SERAC1: variants seen among roughly 807,000 people sequenced by gnomAD.
The protein encoded by SERAC1 is serine active site containing 1.
A neutral mutation model predicts 85.7 loss-of-function variants in SERAC1; 36 were observed. That is an observed-to-expected ratio of 0.42 (90% CI 0.32 to 0.55). SERAC1 has a LOEUF of 0.55. Ranked by LOEUF, SERAC1 falls within the 20% of genes least tolerant of loss-of-function variation. SERAC1 has a pLI of 0.11. For synonymous variants in SERAC1, 242 were observed against 265.3 expected, an observed-to-expected ratio of 0.91 and a Z score of 0.85; for missense variants, 629 against 796.2, an observed-to-expected ratio of 0.79 and a Z score of 2.53.
intron 16 of SERAC1, chr6:158,113,081 A>G (rs575383028): frequency 3.7e-6 from 1 of 273,414 alleles, no homozygotes; most frequent in Admixed American, 5.2e-5. Context: ...ACACTTTTAG[A>G]TGATTTTCTT....
chr6:158,137,841 C>T (rs761493468), intron 8 of SERAC1, among the ~76,000 whole-genome samples: 1 of 151,742 alleles, frequency 6.6e-6, no homozygotes, highest in East Asian at 1.9e-4. Flanking sequence ...ACCATGCCAC[C>T]GTACTCCAAC....
At chr6:158,128,896 G>C (rs955871921) in intron 9 of SERAC1, among the ~76,000 whole-genome samples, 6 of 152,188 alleles carry the variant, frequency 3.9e-5, no homozygotes, top group African/African-American at 1.4e-4. Context: ...ATTGAGTTAA[G>C]GGAAGAGAAC....
chr6:158,114,782 G>A lies in SERAC1; in HGVS notation c.1684+7C>T, dbSNP rs765831183. 1.9e-6 allele frequency: 3 copies of A among 1,608,384 alleles called. No individual in the cohort carries two copies. The Admixed American group carries it at 5.0e-5, about 27-fold the overall frequency. ...ACCCCAATTTCCTTTATGACAAAAA[G>A]TATTACCCTTGCTGAGTTCTTTGAC... On this transcript the variant is annotated splice_region_variant and intron_variant, in intron 15 of 16. Coordinates refer to ENST00000647468, the MANE Select transcript of SERAC1 (RefSeq NM_032861.4).
In SERAC1 at chr6:158,136,897, T is replaced by C. The variant is rs550267918; in HGVS notation, c.738+6159A>G. Among the ~76,000 whole-genome samples, 8 of 152,308 alleles carry C rather than the reference T, an allele frequency of 5.3e-5. No homozygotes were observed. The South Asian group carries it at 1.7e-3, about 32-fold the overall frequency. ...AAAGGCAGCCAGGTGCAGTGGCTCA[T>C]GCCTGTAATCCCAGCACTTTGGGAG... On this transcript the variant is annotated intron_variant, in intron 8 of 16. Transcript: ENST00000647468.
At chr6:158,167,858 T>G (rs1057030614) in intron 1 of SERAC1, among the ~76,000 whole-genome samples, 1 of 151,992 alleles carries the variant, frequency 6.6e-6, no homozygotes, top group African/African-American at 2.4e-5. Flanking sequence ...CATCTCTCCG[T>G]GACTACCGAG....
At chr6:158,143,614 C>T (rs971594547) in intron 7 of SERAC1, among the ~76,000 whole-genome samples, 1 of 151,978 alleles carries the variant, frequency 6.6e-6, no homozygotes, top group Non-Finnish European at 1.5e-5. Context: ...TTATTGCACC[C>T]TTACTAATTA....
intron 16 of SERAC1, 63 bp downstream of exon 16, chr6:158,113,386 T>TACAAGTAAATGCTAGGTATAATTAA: frequency 2.1e-6 from 3 of 1,414,310 alleles, no homozygotes; most frequent in Non-Finnish European, 2.9e-6. Flanking sequence ...AATTGCTGTT[T>TACAAGTAAATGCTAGGTATAATTAA]ACAAGTAAAT....
intron 10 of SERAC1, among the ~76,000 whole-genome samples, chr6:158,127,339 T>C (rs1307644948): frequency 2.1e-4 from 1 of 4,758 alleles, no homozygotes; most frequent in African/African-American, 6.1e-4. Flanking sequence ...GGAGCCCCTC[T>C]GCCCGGCCAG....
At chr6:158,133,225 G>A (rs542469002) in intron 8 of SERAC1, among the ~76,000 whole-genome samples, 276 of 151,760 alleles carry the variant, frequency 1.8e-3, no homozygotes, top group Non-Finnish European at 3.2e-3. Context: ...CCTAGCCCAG[G>A]GAGGTCAAGG....
chr6:158,150,389 C>A (rs531703374), intron 4 of SERAC1, 64 bp downstream of exon 4: 1 of 1,290,340 alleles, frequency 7.7e-7, no homozygotes, highest in Non-Finnish European at 1.1e-6. Context: ...TTTAAATAGA[C>A]GCATTTTTAA....
chr6:158,114,655 T>G, intron 15 of SERAC1, 134 bp downstream of exon 15: 1 of 759,104 alleles, frequency 1.3e-6, no homozygotes, highest in Non-Finnish European at 1.6e-6. Context: ...ACCCAAAATT[T>G]CCATGAATAG....
Position 158,148,905 on chromosome 6 carries a change from T to TA in SERAC1, c.314dup (p.Leu106IlefsTer14). Reference sequence around the variant, plus strand: ...GCAGTATCTTGGCTGATGTTGCCAATACTTTTCTTACTGCTTTGTGAAGTT... The same window carrying TA: ...GCAGTATCTTGGCTGATGTTGCCAATAACTTTTCTTACTGCTTTGTGAAGTT... On this transcript the variant is annotated frameshift_variant, in exon 5 of 17. Transcript: ENST00000647468. LOFTEE classifies it high-confidence loss of function. 6.2e-7 allele frequency: 1 copy of TA among 1,613,064 alleles called. No homozygotes were observed. Among genetic ancestry groups the TA allele is most frequent in the Non-Finnish European group, 8.5e-7 (1 of 1,179,562 alleles).
chr6:158,146,637 C>T, intron 6 of SERAC1, 145 bp downstream of exon 6: 1 of 946,098 alleles, frequency 1.1e-6, no homozygotes, highest in Non-Finnish European at 1.6e-6. Flanking sequence ...GTCTTGAACT[C>T]CTGACCTTGT....
At chr6:158,142,675 C>G (rs1168841030) in intron 8 of SERAC1, among the ~76,000 whole-genome samples, 3 of 152,112 alleles carry the variant, frequency 2.0e-5, no homozygotes, top group African/African-American at 4.8e-5. Context: ...TGGGGTTTCA[C>G]CACGTTGGCC....
intron 4 of SERAC1, among the ~76,000 whole-genome samples, chr6:158,149,225 C>T (rs2128421905): frequency 6.6e-6 from 1 of 152,328 alleles, no homozygotes; most frequent in African/African-American, 2.4e-5. Context: ...ATCTCCTGAC[C>T]TCATGATCCG....
intron 8 of SERAC1, among the ~76,000 whole-genome samples, chr6:158,131,166 A>G (rs1784662584): frequency 6.6e-6 from 1 of 151,542 alleles, no homozygotes; most frequent in Non-Finnish European, 1.5e-5. Context: ...TGTCACTAAT[A>G]TGCAATAATC....
At chr6:158,125,749 A>G (rs921705922) in intron 10 of SERAC1, among the ~76,000 whole-genome samples, 2 of 152,220 alleles carry the variant, frequency 1.3e-5, no homozygotes, top group Non-Finnish European at 2.9e-5. Flanking sequence ...AAATAAGAGT[A>G]AAACATATTA....
intron 10 of SERAC1, among the ~76,000 whole-genome samples, chr6:158,125,594 T>C (rs1295539254): frequency 2.6e-5 from 4 of 152,174 alleles, no homozygotes; most frequent in Non-Finnish European, 5.9e-5. Context: ...CCAGGCACAG[T>C]GGCCCAAACA....
At chr6:158,163,720 T>C (rs920929116) in intron 1 of SERAC1, among the ~76,000 whole-genome samples, 1 of 133,694 alleles carries the variant, frequency 7.5e-6, no homozygotes, top group Non-Finnish European at 1.6e-5. Flanking sequence ...GTTTAGATTA[T>C]GTAGGTTTTT....
Sources: gnomAD v4.1 joint callset for allele counts (sites outside exome capture counted in the v4.1 genomes callset) on GRCh38, gnomAD v4.1.1 for gene constraint, MANE v1.5 for transcripts, NCBI Gene and HGNC (gene_info 2026-07-23, HGNC 2026-07-21) for gene names.